The following FOXN4 variants were observed in gnomAD, a reference collection of about 807,000 sequenced individuals.
FOXN4 encodes the protein forkhead box N4.
In FOXN4, 12 loss-of-function variants were observed where a neutral mutation model predicts 45.0. The observed-to-expected ratio is 0.27, with a 90% CI of 0.17 to 0.43. The LOEUF is 0.43. FOXN4 is among the 20% of genes least tolerant of loss of function. The pLI is 1.00. For synonymous variants in FOXN4, 297 were observed against 295.0 expected (o/e 1.01, Z -0.07); for missense variants, 560 against 694.9 (o/e 0.81, Z 2.18).
At chr12:109,302,450 A>G (rs1489334088) in intron 2 of FOXN4, among the ~76,000 whole-genome samples, 3 of 152,236 alleles carry the variant, frequency 2.0e-5, no homozygotes, top group Non-Finnish European at 4.4e-5. Flanking sequence ...AGAGGAAAGA[A>G]TATCCATCTT....
rs2136954113 is a variant in FOXN4 at position 109,308,243 on chromosome 12, C to T, written c.79G>A (p.Glu27Lys). Residue 27 changes from glutamate to lysine, a missense_variant, in exon 2 of 10, where the codon GAA (glutamate) becomes AAA (lysine). By Grantham distance (56) the Glu-to-Lys change is moderately conservative. Coordinates refer to ENST00000299162, the MANE Select transcript of FOXN4 (RefSeq NM_213596.3). Reference protein sequence around the residue: ...SGQNHHPSPQEYRLLATTSDD... With the variant: ...SGQNHHPSPQKYRLLATTSDD... ...TATTGTTGGAGCCCTCACCTGTATT[C>T]CTGTGGAGAGGGGTGGTGATTTTGC... 6.4e-7 allele frequency: 1 copy of T among 1,550,566 alleles called. No homozygotes were observed. The highest frequency in any genetic ancestry group is 1.2e-5 in the South Asian group (1 of 83,884).
intron 2 of FOXN4, among the ~76,000 whole-genome samples, chr12:109,300,071 G>C (rs2047856012): frequency 6.6e-6 from 1 of 152,198 alleles, no homozygotes; most frequent in African/African-American, 2.4e-5. Flanking sequence ...CACGAGGTAT[G>C]GTGAGGATTG....
intron 2 of FOXN4, among the ~76,000 whole-genome samples, chr12:109,297,096 T>C (rs1431702968): frequency 5.3e-5 from 8 of 152,190 alleles, no homozygotes. Flanking sequence ...AACAACCCTG[T>C]CCTTTTCTCC....
rs2136932124 is a variant in FOXN4 at position 109,292,898 on chromosome 12, A to G, written c.87-2612T>C. ...CGAAGTCACGTATAAAGGGCTGAGC[A>G]CAAGGCTGAGCATCTAGTTGGGCTG... On this transcript the variant is annotated intron_variant, in intron 2 of 9. Transcript: ENST00000299162. Among the ~76,000 whole-genome samples the G allele has an allele frequency of 1.3e-5, 2 of 152,260 alleles. 1 individual carries two copies. Among genetic ancestry groups the G allele is most frequent in the Middle Eastern group, 6.8e-3 (2 of 294 alleles).
chr12:109,307,888 G>A (rs1256584353), intron 2 of FOXN4, among the ~76,000 whole-genome samples: 2 of 152,018 alleles, frequency 1.3e-5, no homozygotes, highest in African/African-American at 4.8e-5. Flanking sequence ...TTTGGCAGGG[G>A]GTGGGGGAGC....
rs2047945858 is a variant in FOXN4 at position 109,309,131 on chromosome 12, C to G, written c.-16G>C. The G allele has an allele frequency of 6.6e-6, 1 of 152,230 alleles. No homozygotes were observed. Among genetic ancestry groups the G allele is most frequent in the South Asian group, 2.1e-4 (1 of 4,834 alleles). 9.4% of individuals were successfully genotyped at this position (152,230 alleles called of 1,614,324 possible). On this transcript the variant is annotated 5_prime_UTR_variant, in exon 1 of 10. Coordinates refer to ENST00000299162, the MANE Select transcript of FOXN4 (RefSeq NM_213596.3). The surrounding 1 kb of genome is among the most constrained non-coding windows in gnomAD (Gnocchi z 5.0). ...TGCAAGGCGGTACCTGGAGCCGATC[C>G]TCGCGGGGCCGCCGCTGCCGGCGCT...
In FOXN4 at chr12:109,278,824, A is replaced by G. The variant is rs1020472454; in HGVS notation, c.*847T>C. 1 of 152,232 alleles carries G rather than the reference A, an allele frequency of 6.6e-6. No individual in the cohort carries two copies. Among genetic ancestry groups the G allele is most frequent in the East Asian group, 1.9e-4 (1 of 5,192 alleles). The allele number at this position is 152,232 out of a possible 1,614,324, so 9.4% of individuals were successfully genotyped here. On this transcript the variant is annotated 3_prime_UTR_variant, in exon 10 of 10. Transcript: ENST00000299162. ...AAATGGGATGTTTCACAGTATCAAC[A>G]GTGCTTGCTGGTTCTAAAAAGTAGC...
intron 6 of FOXN4, chr12:109,286,993 T>C: frequency 1.0e-6 from 1 of 963,110 alleles, no homozygotes; most frequent in Non-Finnish European, 1.5e-6. Flanking sequence ...TTCCCCTCTT[T>C]ATTGCATCCC....
At position 109,290,490 on chromosome 12, in the gene FOXN4, C is replaced by A. The variant is rs1373536986; in HGVS notation, c.87-204G>T. 1.3e-5 allele frequency among the ~76,000 whole-genome samples: 2 copies of A among 152,244 alleles called. No homozygotes were observed. On this transcript the variant is annotated intron_variant, in intron 2 of 9. Coordinates refer to ENST00000299162, the MANE Select transcript of FOXN4 (RefSeq NM_213596.3). The surrounding 1 kb of genome is among the most constrained non-coding windows in gnomAD (Gnocchi z 5.1). ...AGCCAGATCTTTCATCCTCATCATT[C>A]CTTCCTTAGCCCACTTAACGCATCC...
chr12:109,304,292 A>AAAGAAAGAAAGAAAGAAAGAAAGAAAGG (rs1566005745), intron 2 of FOXN4, among the ~76,000 whole-genome samples: 2 of 45,540 alleles, frequency 4.4e-5, no homozygotes, highest in Admixed American at 5.2e-4. Context: ...AGAAAGAAAG[A>AAAGAAAGAAAGAAAGAAAGAAAGAAAGG]AAGGAGAAAG....
rs148049464 is a variant in FOXN4, at chr12:109,286,441, C to A, written c.693+207G>T. On this transcript the variant is annotated intron_variant, in intron 7 of 9. Transcript: ENST00000299162. Reference sequence around the variant, plus strand: ...TTCTCCTTGGGATGCCTAATGAACTCCTCTTCATCTGTCAGAGCCCAGTTC... The same window carrying A: ...TTCTCCTTGGGATGCCTAATGAACTACTCTTCATCTGTCAGAGCCCAGTTC... Among the ~76,000 whole-genome samples the A allele has an allele frequency of 3.9e-5, 6 of 152,300 alleles. No homozygotes were observed. In the East Asian group the frequency reaches 1.2e-3, roughly 29 times the overall value.
chr12:109,284,747 CTGTG>C (rs146889929), intron 8 of FOXN4, among the ~76,000 whole-genome samples: 5,837 of 151,344 alleles, frequency 0.039, 116 homozygotes, highest in African/African-American at 0.048. Flanking sequence ...CCTTCCTCTT[CTGTG>C]TGTGTGTGTT....
At position 109,281,645 on chromosome 12, in the gene FOXN4, C is replaced by A; in HGVS notation, c.1056G>T (p.Met352Ile). 2 of 1,611,112 alleles carry A rather than the reference C, an allele frequency of 1.2e-6. No homozygotes were observed. Among genetic ancestry groups the A allele is most frequent in the Non-Finnish European group, 1.7e-6 (2 of 1,178,742 alleles). The change falls in exon 9 of 10, where the codon ATG (methionine) becomes ATT (isoleucine). Residue 352 changes from methionine to isoleucine, a missense_variant. Met to Ile is a conservative substitution (Grantham distance 10). Transcript: ENST00000299162. ...GGGGGACTGACTGCAGGGACAGGGT[C>A]ATCAGTGGCTGGGGTGGGAGCTGGG... ...AVSQLPPQPL[M>I]TLSLQSVPLH...
chr12:109,293,261 G>A (rs1440771144), intron 2 of FOXN4, among the ~76,000 whole-genome samples: 2 of 152,152 alleles, frequency 1.3e-5, no homozygotes, highest in African/African-American at 4.8e-5. Context: ...GACCAGGGTT[G>A]GGGTCCTGAC....
At chr12:109,281,981 T>C (rs766359539) in intron 8 of FOXN4, among the ~76,000 whole-genome samples, 182 bp from the exon 9 acceptor site, 14 of 152,228 alleles carry the variant, frequency 9.2e-5, no homozygotes, top group East Asian at 1.9e-4. Flanking sequence ...ACAACTTACA[T>C]TGCCACCCAT....
chr12:109,290,209 G>A lies in FOXN4; in HGVS notation c.164C>T (p.Pro55Leu), dbSNP rs2047754189. The A allele has an allele frequency of 1.3e-6, 2 of 1,551,302 alleles. No homozygotes were observed. The highest frequency in any genetic ancestry group is 2.4e-5 in the South Asian group (2 of 84,052). Reference protein sequence around the residue: ...SLSWLTAVDVPRLQQMASGRV... With the variant: ...SLSWLTAVDVLRLQQMASGRV... ...GCCACTTGCCATCTGCTGCAGCCGA[G>A]GCACATCCACCGCCGTGAGCCACGA... Residue 55 changes from proline (P) to leucine (L), a missense_variant, in exon 3 of 10, where the codon CCT becomes CTT. Coordinates refer to ENST00000299162, the MANE Select transcript of FOXN4 (RefSeq NM_213596.3). This position sits in a 1 kb window ranked among gnomAD's most constrained non-coding sequence, Gnocchi z 5.1.
In FOXN4 at chr12:109,279,235, A is replaced by G; in HGVS notation, c.*436T>C. ...GGTTTGATCCACTCAGCCATTTCCC[A>G]TGAGGATGAATTCAAGGGCTTTCAC... On this transcript the variant is annotated 3_prime_UTR_variant, in exon 10 of 10. Transcript: ENST00000299162. The G allele has an allele frequency of 9.1e-6, 2 of 220,386 alleles. No homozygotes were observed. Among genetic ancestry groups the G allele is most frequent in the African/African-American group, 2.3e-5 (1 of 44,388 alleles). 13.7% of individuals were successfully genotyped at this position (220,386 alleles called of 1,614,324 possible). A position where few individuals can be genotyped will look rare whatever the true frequency, so the allele number is the denominator to read the frequency against.
intron 7 of FOXN4, among the ~76,000 whole-genome samples, 154 bp downstream of exon 7, chr12:109,286,494 T>TG (rs1376327244): frequency 1.3e-5 from 2 of 152,302 alleles, no homozygotes; most frequent in African/African-American, 4.8e-5. Flanking sequence ...TCTGACTTTC[T>TG]TCTGTGTGAG....
chr12:109,297,780 A>G (rs751874822), intron 2 of FOXN4, among the ~76,000 whole-genome samples: 28 of 152,230 alleles, frequency 1.8e-4, no homozygotes, highest in Admixed American at 3.9e-4. Flanking sequence ...CTGCTGCTCT[A>G]TGATATCTAG....
Sources: allele counts gnomAD v4.1 joint callset (sites outside exome capture counted in the v4.1 genomes callset), GRCh38; gene constraint gnomAD v4.1.1; non-coding constraint Gnocchi (gnomAD v3.1); transcripts MANE v1.5; gene names NCBI Gene and HGNC (gene_info 2026-07-23, HGNC 2026-07-21).